AGBL4: variants seen among roughly 807,000 people sequenced by gnomAD.
The protein encoded by AGBL4 is AGBL carboxypeptidase 4.
A neutral mutation model predicts 66.4 loss-of-function variants in AGBL4; 58 were observed. That is an observed-to-expected ratio of 0.87 (90% CI 0.71 to 1.09). The LOEUF (loss-of-function observed/expected upper bound fraction) is 1.09. AGBL4 is among the 50% of genes least tolerant of loss of function. The probability of loss-of-function intolerance (pLI) is 0.00; values close to 1 mark genes in which losing one functional copy is unlikely to be tolerated. For missense variants in AGBL4, 579 were observed against 631.0 expected (o/e 0.92, Z 0.88); for synonymous variants, 234 against 222.9 (o/e 1.05, Z -0.44).
At chr1:48,751,023 C>T (rs1459191253) in intron 6 of AGBL4, among the ~76,000 whole-genome samples, 1 of 152,196 alleles carries the variant, frequency 6.6e-6, no homozygotes, top group Non-Finnish European at 1.5e-5. Context: ...TCCACTGCTT[C>T]ATGATATAGC....
rs72890058 is a variant in AGBL4, at chr1:48,817,653, A to T, written c.634+49538T>A. 519 of 200,128 alleles carry T rather than the reference A, an allele frequency of 2.6e-3. 1 individual carries two copies. The highest frequency in any genetic ancestry group is 0.01 in the African/African-American group (439 of 42,830). The allele number at this position is 200,128 out of a possible 1,614,324, so 12.4% of individuals were successfully genotyped here. ...ACTGATGAGCTTGAGTTCTCCCAAC[A>T]GCTTTGGTCAACTAGAATCCCAGCT... On this transcript the variant is annotated intron_variant, in intron 6 of 13. Coordinates refer to ENST00000371839, the MANE Select transcript of AGBL4 (RefSeq NM_032785.4).
intron 2 of AGBL4, among the ~76,000 whole-genome samples, chr1:49,816,032 CA>C (rs1334560816): frequency 1.3e-5 from 2 of 152,040 alleles, no homozygotes; most frequent in Non-Finnish European, 2.9e-5. Flanking sequence ...CTGGGGTTTA[CA>C]GGCATATGCC....
intron 1 of AGBL4, among the ~76,000 whole-genome samples, chr1:49,956,653 A>T (rs1344084517): frequency 6.6e-6 from 1 of 151,926 alleles, no homozygotes; most frequent in Non-Finnish European, 1.5e-5. Context: ...CATTTAAAAC[A>T]TAAGGTTCAA....
chr1:48,720,664 A>G (rs750089319), intron 6 of AGBL4, among the ~76,000 whole-genome samples: 3 of 152,264 alleles, frequency 2.0e-5, no homozygotes, highest in African/African-American at 4.8e-5. Flanking sequence ...ATTAAAAAAC[A>G]TCACCATAAC....
intron 5 of AGBL4, among the ~76,000 whole-genome samples, chr1:48,936,489 T>C (rs2148909656): frequency 6.6e-6 from 1 of 152,258 alleles, no homozygotes; most frequent in Middle Eastern, 3.4e-3. Context: ...GGAGTACTGT[T>C]TGATTGGCAA....
intron 3 of AGBL4, among the ~76,000 whole-genome samples, chr1:49,484,632 G>A (rs1647025872): frequency 6.6e-6 from 1 of 151,772 alleles, no homozygotes; most frequent in Admixed American, 6.6e-5. Flanking sequence ...GGATGGGGTG[G>A]GGTTGATTGG....
intron 4 of AGBL4, among the ~76,000 whole-genome samples, chr1:49,128,277 T>C (rs1449589289): frequency 2.6e-5 from 4 of 151,924 alleles, no homozygotes; most frequent in African/African-American, 9.7e-5. Context: ...TTATGCCATA[T>C]ATTGGAAGGT....
intron 2 of AGBL4, among the ~76,000 whole-genome samples, chr1:49,800,983 C>G (rs537933280): frequency 6.0e-4 from 90 of 150,198 alleles, no homozygotes; most frequent in Non-Finnish European, 1.2e-3. Flanking sequence ...GTCCCACCAA[C>G]AGTGTAAAAG....
rs189748657 is a variant in AGBL4 at position 49,892,792 on chromosome 1, C to T, written c.35-41274G>A. Among the ~76,000 whole-genome samples, 59 of 152,250 alleles carry T rather than the reference C, an allele frequency of 3.9e-4. 1 individual carries two copies. The highest frequency in any genetic ancestry group is 1.3e-3 in the African/African-American group (52 of 41,548). On this transcript the variant is annotated intron_variant, in intron 1 of 13. Coordinates refer to ENST00000371839, the MANE Select transcript of AGBL4 (RefSeq NM_032785.4). The stretch of plus-strand genomic sequence containing the variant: ...AAGACTAGATGTCACCTATTCCTCA[C>T]ACTTTTCTGTTTCATACTTGCTCTT...
At chr1:48,965,238 T>C (rs1431876769) in intron 5 of AGBL4, among the ~76,000 whole-genome samples, 1 of 152,068 alleles carries the variant, frequency 6.6e-6, no homozygotes, top group Non-Finnish European at 1.5e-5. Context: ...AGAGAACATT[T>C]AGGAAAAGTC....
intron 2 of AGBL4, among the ~76,000 whole-genome samples, chr1:49,815,788 A>G (rs1227181635): frequency 6.6e-6 from 1 of 152,114 alleles, no homozygotes; most frequent in Non-Finnish European, 1.5e-5. Flanking sequence ...ACCTTTTCAT[A>G]TGCCTGTTTG....
intron 1 of AGBL4, among the ~76,000 whole-genome samples, chr1:49,950,013 C>CACATATATAT (rs1184682099): frequency 1.0e-4 from 5 of 48,230 alleles, no homozygotes; most frequent in African/African-American, 2.7e-4. Flanking sequence ...TATATATACA[C>CACATATATAT]ACACATATGT....
chr1:49,160,532 G>C (rs530789497), intron 4 of AGBL4, among the ~76,000 whole-genome samples: 1 of 152,124 alleles, frequency 6.6e-6, no homozygotes, highest in Non-Finnish European at 1.5e-5. Context: ...GGGGGTCAGG[G>C]ACCCACTTGA....
At chr1:49,013,036 C>T (rs1162156848) in intron 5 of AGBL4, among the ~76,000 whole-genome samples, 1 of 152,180 alleles carries the variant, frequency 6.6e-6, no homozygotes, top group South Asian at 2.1e-4. Context: ...GTGCAGCAAG[C>T]AGGCCCTCAC....
rs145007446 is a variant in AGBL4 at position 48,834,086 on chromosome 1, C to T, written c.634+33105G>A. On this transcript the variant is annotated intron_variant, in intron 6 of 13. Coordinates refer to ENST00000371839, the MANE Select transcript of AGBL4 (RefSeq NM_032785.4). Reference sequence around the variant, plus strand: ...TTTTGGACTTGCTCAGAATCCATCACCTCTTTCTTCCTTCCGATTTCTCCC... The same window carrying T: ...TTTTGGACTTGCTCAGAATCCATCATCTCTTTCTTCCTTCCGATTTCTCCC... Among the ~76,000 whole-genome samples the T allele has an allele frequency of 4.5e-3, 688 of 152,250 alleles. 7 individuals carry two copies. Among genetic ancestry groups the T allele is most frequent in the Admixed American group, 0.014 (219 of 15,292 alleles).
chr1:48,905,292 C>T (rs1348583237), intron 5 of AGBL4, among the ~76,000 whole-genome samples: 1 of 152,160 alleles, frequency 6.6e-6, no homozygotes, highest in African/African-American at 2.4e-5. Context: ...GCTTGCAGGC[C>T]TTCTAATTTT....
intron 2 of AGBL4, among the ~76,000 whole-genome samples, chr1:49,833,474 G>A (rs981873030): frequency 2.4e-4 from 36 of 152,136 alleles, no homozygotes; most frequent in Non-Finnish European, 2.8e-4. Context: ...TTGGCGATGC[G>A]GGCTCTTTTT....
chr1:49,068,395 A>ACACCCCG (rs1644533422), intron 4 of AGBL4, among the ~76,000 whole-genome samples: 2 of 35,946 alleles, frequency 5.6e-5, no homozygotes, highest in African/African-American at 2.1e-4. Context: ...CCCACCCCCC[A>ACACCCCG]ACAGGCCCCA....
intron 2 of AGBL4, among the ~76,000 whole-genome samples, chr1:49,788,203 C>A (rs1056799117): frequency 2.0e-5 from 3 of 151,852 alleles, no homozygotes; most frequent in Admixed American, 6.6e-5. Context: ...CTGCACAAGC[C>A]CCAAGTTACA....
Sources: allele counts gnomAD v4.1 joint callset (sites outside exome capture counted in the v4.1 genomes callset), GRCh38; gene constraint gnomAD v4.1.1; transcripts MANE v1.5; gene names NCBI Gene and HGNC (gene_info 2026-07-23, HGNC 2026-07-21).